TSHZ2: variants seen among roughly 807,000 people sequenced by gnomAD.
TSHZ2 encodes teashirt homolog 2.
Under a neutral mutation model 74.4 loss-of-function variants are expected in TSHZ2, and 21 were observed. The ratio of observed to expected loss-of-function variants is 0.28; its 90% CI spans 0.20 to 0.41. The LOEUF (loss-of-function observed/expected upper bound fraction) is 0.41. Among genes scored for constraint, TSHZ2 ranks in the 10% least tolerant of loss-of-function variants. TSHZ2 has a pLI of 1.00. For missense variants in TSHZ2, 1,244 were observed against 1,293.5 expected, an observed-to-expected ratio of 0.96 and a Z score of 0.59; for synonymous variants, 540 against 515.3, an observed-to-expected ratio of 1.05 and a Z score of -0.65.
chr20:53,207,831 A>C (rs1300267378), intron 1 of TSHZ2, among the ~76,000 whole-genome samples: 1 of 147,034 alleles, frequency 6.8e-6, no homozygotes, highest in African/African-American at 2.5e-5. Flanking sequence ...ACAGGCATGC[A>C]CCATCGTGCC....
At chr20:53,361,330 C>A (rs756842567) in intron 2 of TSHZ2, among the ~76,000 whole-genome samples, 2 of 152,180 alleles carry the variant, frequency 1.3e-5, no homozygotes, top group Non-Finnish European at 2.9e-5. Flanking sequence ...CTCAGGCCTG[C>A]AACATAATAG....
chr20:53,401,657 T>C (rs901481459), intron 2 of TSHZ2, among the ~76,000 whole-genome samples: 12 of 152,234 alleles, frequency 7.9e-5, no homozygotes, highest in Non-Finnish European at 1.5e-4. Context: ...TGGTTTTCCA[T>C]TCCTGAGTTA....
chr20:53,443,652 G>A (rs6013690), intron 2 of TSHZ2, among the ~76,000 whole-genome samples: 3,656 of 152,338 alleles, frequency 0.024, 141 homozygotes, highest in African/African-American at 0.083. Context: ...GTTAATGGCT[G>A]TGAATGTACA....
intron 1 of TSHZ2, among the ~76,000 whole-genome samples, chr20:53,093,451 A>G (rs1369484505): frequency 1.3e-5 from 2 of 152,098 alleles, no homozygotes; most frequent in Non-Finnish European, 2.9e-5. Context: ...GATCTAGCTC[A>G]TGCTTCCTTT....
chr20:53,204,029 T>C (rs1306180304), intron 1 of TSHZ2, among the ~76,000 whole-genome samples: 1 of 149,388 alleles, frequency 6.7e-6, no homozygotes, highest in Non-Finnish European at 1.5e-5. Flanking sequence ...AATATGATAC[T>C]ATTATATCAT....
chr20:53,150,645 TA>T (rs1330550018), intron 1 of TSHZ2, among the ~76,000 whole-genome samples: 1 of 144,524 alleles, frequency 6.9e-6, no homozygotes, highest in Non-Finnish European at 1.5e-5. Flanking sequence ...AAAAGTTTTT[TA>T]AAAAAAAGAA....
chr20:53,046,569 T>C (rs1356480078), intron 1 of TSHZ2, among the ~76,000 whole-genome samples: 2 of 152,150 alleles, frequency 1.3e-5, no homozygotes, highest in Non-Finnish European at 2.9e-5. Context: ...GAGCAAACTC[T>C]GTTAATTATT....
intron 2 of TSHZ2, among the ~76,000 whole-genome samples, chr20:53,267,443 A>C (rs1990744588): frequency 6.6e-6 from 1 of 152,352 alleles, no homozygotes; most frequent in Admixed American, 6.5e-5. Flanking sequence ...TAAAGGCGCT[A>C]TTCACATCTT....
intron 2 of TSHZ2, among the ~76,000 whole-genome samples, chr20:53,406,016 T>C (rs534221414): frequency 1.3e-5 from 2 of 152,170 alleles, no homozygotes; most frequent in East Asian, 3.9e-4. Context: ...AATACTTTTT[T>C]TTAAAAAAAA....
intron 1 of TSHZ2, among the ~76,000 whole-genome samples, chr20:53,214,778 G>T (rs908256939): frequency 1.3e-5 from 2 of 152,046 alleles, no homozygotes; most frequent in South Asian, 2.1e-4. Context: ...GGAAGGGAGG[G>T]TGTGTAGAGT....
intron 1 of TSHZ2, among the ~76,000 whole-genome samples, chr20:53,124,759 G>A (rs1432670663): frequency 6.6e-6 from 1 of 152,176 alleles, no homozygotes; most frequent in East Asian, 1.9e-4. Context: ...TTTTCCACCT[G>A]AAGACATGGA....
chr20:53,427,138 G>C (rs558507896), intron 2 of TSHZ2, among the ~76,000 whole-genome samples: 1 of 152,284 alleles, frequency 6.6e-6, no homozygotes, highest in Non-Finnish European at 1.5e-5. Context: ...TTTAGGGATG[G>C]ATTCTGCTTG....
At chr20:52,997,261 G>GGGA (rs1555813131) in intron 1 of TSHZ2, among the ~76,000 whole-genome samples, 1 of 135,008 alleles carries the variant, frequency 7.4e-6, no homozygotes, top group Non-Finnish European at 1.5e-5. Context: ...TCTTGCCCCG[G>GGGA]GGGGGGGTTC....
chr20:53,043,836 C>T (rs1225908337), intron 1 of TSHZ2, among the ~76,000 whole-genome samples: 1 of 151,934 alleles, frequency 6.6e-6, no homozygotes, highest in East Asian at 1.9e-4. Flanking sequence ...ACAGCCAATG[C>T]CAGCTAGAAC....
intron 2 of TSHZ2, among the ~76,000 whole-genome samples, chr20:53,404,237 T>C (rs1982768573): frequency 6.6e-6 from 1 of 152,238 alleles, no homozygotes; most frequent in Admixed American, 6.5e-5. Context: ...ATTTTCATTA[T>C]AAAACTGCCT....
chr20:53,236,483 C>A (rs118140977), intron 1 of TSHZ2, among the ~76,000 whole-genome samples: 6 of 152,198 alleles, frequency 3.9e-5, no homozygotes, highest in African/African-American at 1.4e-4. Context: ...CAGAAACACA[C>A]GTGCCTCCAC....
At chr20:53,338,298 T>C (rs1019373857) in intron 2 of TSHZ2, among the ~76,000 whole-genome samples, 3 of 152,214 alleles carry the variant, frequency 2.0e-5, no homozygotes, top group African/African-American at 4.8e-5. Context: ...CAAACCATCA[T>C]GCTCTCTATC....
chr20:53,150,182 A>G (rs894204155), intron 1 of TSHZ2, among the ~76,000 whole-genome samples: 23 of 152,172 alleles, frequency 1.5e-4, no homozygotes, highest in African/African-American at 5.3e-4. Flanking sequence ...AAGGTTGCAC[A>G]CTTCTTGGCA....
At chr20:53,182,860 T>G (rs1341935393) in intron 1 of TSHZ2, among the ~76,000 whole-genome samples, 5 of 152,118 alleles carry the variant, frequency 3.3e-5, no homozygotes, top group Admixed American at 3.3e-4. Context: ...AACCCCAAAT[T>G]TAGACACAAA....
Sources: allele counts gnomAD v4.1 joint callset (sites outside exome capture counted in the v4.1 genomes callset), GRCh38; gene constraint gnomAD v4.1.1; transcripts MANE v1.5; gene names NCBI Gene and HGNC (gene_info 2026-07-23, HGNC 2026-07-21).